The following RAB3GAP1 variants were observed in gnomAD, a reference collection of about 807,000 sequenced individuals.
The protein encoded by RAB3GAP1 is RAB3 GTPase activating protein catalytic subunit 1, also known as rab3 GTPase-activating protein catalytic subunit.
RAB3GAP1 carries 86 observed loss-of-function variants against 130.7 expected under a neutral mutation model. That is an observed-to-expected ratio of 0.66 (90% CI 0.55 to 0.79). The LOEUF is 0.79. RAB3GAP1 is among the 30% of genes least tolerant of loss of function. The pLI, the probability that RAB3GAP1 is intolerant of heterozygous loss-of-function variation, is 0.00. For missense variants in RAB3GAP1, 1,029 were observed against 1,169.4 expected (o/e 0.88, Z 1.75); for synonymous variants, 367 against 401.7 (o/e 0.91, Z 1.03).
chr2:135,088,196 TTC>T (rs2104870767), intron 3 of RAB3GAP1, among the ~76,000 whole-genome samples: 1 of 152,310 alleles, frequency 6.6e-6, no homozygotes, highest in East Asian at 1.9e-4. Context: ...AAAAAGGGAT[TTC>T]TCTCTCCTTT....
chr2:135,155,069 G>A (rs575559978), intron 19 of RAB3GAP1, among the ~76,000 whole-genome samples: 3 of 152,194 alleles, frequency 2.0e-5, no homozygotes, highest in Admixed American at 6.5e-5. Context: ...GAAGAAAATT[G>A]TAACATAACA....
At chr2:135,144,282 C>G (rs961559849) in intron 17 of RAB3GAP1, among the ~76,000 whole-genome samples, 9 of 152,298 alleles carry the variant, frequency 5.9e-5, no homozygotes, top group Admixed American at 2.6e-4. Flanking sequence ...AGAAACAGCT[C>G]TCAGCCAAAA....
intron 7 of RAB3GAP1, among the ~76,000 whole-genome samples, chr2:135,119,098 T>TC (rs1691116941): frequency 8.1e-6 from 1 of 123,658 alleles, no homozygotes; most frequent in African/African-American, 3.4e-5. Context: ...CTCCCTCCCT[T>TC]CCTTCCTTCC....
intron 5 of RAB3GAP1, among the ~76,000 whole-genome samples, chr2:135,111,990 T>A (rs778568513): frequency 2.0e-5 from 3 of 152,206 alleles, no homozygotes; most frequent in Non-Finnish European, 4.4e-5. Context: ...CTTAAAACTT[T>A]AGAAAATAGA....
intron 17 of RAB3GAP1, among the ~76,000 whole-genome samples, chr2:135,143,947 A>C (rs1406546951): frequency 1.3e-5 from 2 of 152,154 alleles, no homozygotes; most frequent in Non-Finnish European, 2.9e-5. Context: ...CTGTTTGTTC[A>C]TACATTTTAT....
At chr2:135,107,885 G>A (rs1166191869) in intron 5 of RAB3GAP1, among the ~76,000 whole-genome samples, 1 of 142,412 alleles carries the variant, frequency 7.0e-6, no homozygotes, top group Non-Finnish European at 1.5e-5. Flanking sequence ...TGAGACAGGA[G>A]AATCACTTGA....
chr2:135,146,411 C>T (rs1269251482), intron 17 of RAB3GAP1, among the ~76,000 whole-genome samples: 1 of 151,914 alleles, frequency 6.6e-6, no homozygotes, highest in Non-Finnish European at 1.5e-5. Flanking sequence ...GGGATTTCAC[C>T]ATTTTGGTCA....
intron 3 of RAB3GAP1, among the ~76,000 whole-genome samples, chr2:135,079,340 C>T (rs1338338078): frequency 6.6e-6 from 1 of 152,114 alleles, no homozygotes; most frequent in Non-Finnish European, 1.5e-5. Flanking sequence ...TTTCCCCTTC[C>T]TTACCTTCTC....
intron 3 of RAB3GAP1, among the ~76,000 whole-genome samples, chr2:135,060,885 A>G (rs1054686301): frequency 1.3e-5 from 2 of 150,834 alleles, no homozygotes; most frequent in South Asian, 2.1e-4. Context: ...TTGTGTTTCT[A>G]GTATTTTGTA....
chr2:135,091,400 T>A lies in RAB3GAP1; in HGVS notation c.283+270T>A, dbSNP rs375470318. Among the ~76,000 whole-genome samples the A allele has an allele frequency of 3.3e-5, 5 of 152,068 alleles. No individual in the cohort carries two copies. The East Asian group carries it at 9.6e-4, about 29-fold the overall frequency. ...CAGTAGGGAAGATAAGATAGATAAG[T>A]AAGTAACCATAATGAAAGTGATAAG... On this transcript the variant is annotated intron_variant, in intron 4 of 23. Coordinates refer to ENST00000264158, the MANE Select transcript of RAB3GAP1 (RefSeq NM_012233.3).
intron 17 of RAB3GAP1, among the ~76,000 whole-genome samples, chr2:135,140,061 T>C (rs1318548578): frequency 3.3e-5 from 5 of 152,194 alleles, no homozygotes; most frequent in African/African-American, 7.2e-5. Context: ...GAGTCATCCT[T>C]GTTGTTGCAG....
intron 3 of RAB3GAP1, among the ~76,000 whole-genome samples, chr2:135,083,307 T>C (rs1209454005): frequency 1.3e-5 from 2 of 152,204 alleles, no homozygotes; most frequent in Non-Finnish European, 2.9e-5. Context: ...TGGACATGTT[T>C]TTATTTCTTT....
chr2:135,090,129 A>G (rs1690103350), intron 3 of RAB3GAP1, among the ~76,000 whole-genome samples: 1 of 152,222 alleles, frequency 6.6e-6, no homozygotes, highest in Non-Finnish European at 1.5e-5. Flanking sequence ...ATGACAGTTC[A>G]AATACTAATG....
chr2:135,066,317 G>A (rs1689322241), intron 3 of RAB3GAP1, among the ~76,000 whole-genome samples: 1 of 152,136 alleles, frequency 6.6e-6, no homozygotes, highest in Non-Finnish European at 1.5e-5. Flanking sequence ...CAAAGTGCTG[G>A]GAAATGATTT....
At chr2:135,111,160 A>G (rs1041064858) in intron 5 of RAB3GAP1, among the ~76,000 whole-genome samples, 1 of 152,152 alleles carries the variant, frequency 6.6e-6, no homozygotes, top group Non-Finnish European at 1.5e-5. Context: ...ATTAAACTTA[A>G]TTTTTTAAAT....
At chr2:135,106,073 C>T (rs1243589848) in intron 5 of RAB3GAP1, among the ~76,000 whole-genome samples, 7 of 151,968 alleles carry the variant, frequency 4.6e-5, no homozygotes, top group East Asian at 2.0e-4. Flanking sequence ...CGTCTCGGCC[C>T]GGCAGCCGCC....
intron 17 of RAB3GAP1, among the ~76,000 whole-genome samples, chr2:135,141,204 TG>T (rs1691828081): frequency 6.6e-6 from 1 of 151,914 alleles, no homozygotes; most frequent in Middle Eastern, 3.4e-3. Flanking sequence ...GCAAATATTT[TG>T]TTGCTTATCT....
rs1558765013 is a variant in RAB3GAP1 at position 135,078,677 on chromosome 2, CCCCTCCCCTCCCCTG to C, written c.151-12306_151-12292del. Among the ~76,000 whole-genome samples the C allele has an allele frequency of 2.5e-3, 153 of 62,034 alleles. 4 individuals are homozygous for C. Among genetic ancestry groups the C allele is most frequent in the African/African-American group, 8.5e-3 (93 of 10,878 alleles). The allele number at this position is 62,034 out of a possible 152,430, so 40.7% of individuals were successfully genotyped here. The stretch of plus-strand genomic sequence containing the variant: ...CCCCTCCCCTCCCCTCCCCTCCCCT[CCCCTCCCCTCCCCTG>C]CCCTCCCCTCCCCTCTCCTTTCCTT... On this transcript the variant is annotated intron_variant, in intron 3 of 23. Coordinates refer to ENST00000264158, the MANE Select transcript of RAB3GAP1 (RefSeq NM_012233.3).
chr2:135,082,177 A>T (rs1689844541), intron 3 of RAB3GAP1, among the ~76,000 whole-genome samples: 1 of 136,472 alleles, frequency 7.3e-6, no homozygotes, highest in Non-Finnish European at 1.5e-5. Flanking sequence ...ATAAATAAAG[A>T]TTTTAATTGA....
Sources: gnomAD v4.1 joint callset for allele counts (sites outside exome capture counted in the v4.1 genomes callset) on GRCh38, gnomAD v4.1.1 for gene constraint, MANE v1.5 for transcripts, NCBI Gene and HGNC (gene_info 2026-07-23, HGNC 2026-07-21) for gene names.